RBMS3: variants seen among roughly 807,000 people sequenced by gnomAD.
The protein encoded by RBMS3 is RNA binding motif single stranded interacting protein 3.
A neutral mutation model predicts 66.8 loss-of-function variants in RBMS3; 27 were observed. The ratio of observed to expected loss-of-function variants is 0.40; its 90% CI spans 0.30 to 0.56. The LOEUF is 0.56. RBMS3 is among the 20% of genes least tolerant of loss of function. RBMS3 has a pLI of 0.40. For synonymous variants in RBMS3, 188 were observed against 183.0 expected (o/e 1.03, Z -0.22); for missense variants, 513 against 549.5 (o/e 0.93, Z 0.66).
chr3:29,567,381 G>A (rs1468279826), intron 3 of RBMS3, among the ~76,000 whole-genome samples: 1 of 152,026 alleles, frequency 6.6e-6, no homozygotes, highest in African/African-American at 2.4e-5. Context: ...GGTAGAAAAG[G>A]GTTTTCAACC....
chr3:29,875,587 A>G (rs1392929912), intron 7 of RBMS3, among the ~76,000 whole-genome samples: 2 of 152,106 alleles, frequency 1.3e-5, no homozygotes, highest in South Asian at 4.1e-4. Flanking sequence ...CTTGGAATCT[A>G]TGAAATTCAG....
intron 2 of RBMS3, among the ~76,000 whole-genome samples, chr3:29,478,705 A>AC (rs1359867580): frequency 6.6e-6 from 1 of 152,204 alleles, no homozygotes; most frequent in Non-Finnish European, 1.5e-5. Flanking sequence ...GGATTTTCAG[A>AC]ATCAGATTTG....
chr3:29,704,263 G>A lies in RBMS3; in HGVS notation c.400-35457G>A, dbSNP rs191430240. Among the ~76,000 whole-genome samples the A allele has an allele frequency of 1.7e-3, 255 of 152,228 alleles. 1 individual carries two copies. The highest frequency in any genetic ancestry group is 5.6e-3 in the African/African-American group (232 of 41,526). On this transcript the variant is annotated intron_variant, in intron 4 of 14. Coordinates refer to ENST00000383767, the MANE Select transcript of RBMS3 (RefSeq NM_001003793.3). Reference sequence around the variant, plus strand: ...TTCCACAAAACTGGTCCCTGGTGCCGTAAAGGTTGGGGACCCCTGATTTAA... The same window carrying A: ...TTCCACAAAACTGGTCCCTGGTGCCATAAAGGTTGGGGACCCCTGATTTAA...
At chr3:29,780,175 A>G (rs1051294644) in intron 6 of RBMS3, among the ~76,000 whole-genome samples, 4 of 151,984 alleles carry the variant, frequency 2.6e-5, no homozygotes, top group Admixed American at 2.6e-4. Context: ...ATTGATGAGA[A>G]CTAGTTTTTG....
rs541899325 is a variant in RBMS3 at position 29,789,044 on chromosome 3, T to C, written c.637+26055T>C. ...AATACTTCCTGTTCTTGAACTCTCTTGTTCATATTCTTTGCCCATTTTTTC... is the reference window on the plus strand; with the variant it reads ...AATACTTCCTGTTCTTGAACTCTCTCGTTCATATTCTTTGCCCATTTTTTC... On this transcript the variant is annotated intron_variant, in intron 6 of 14. Coordinates refer to ENST00000383767, the MANE Select transcript of RBMS3 (RefSeq NM_001003793.3). Among the ~76,000 whole-genome samples, 6 of 152,330 alleles carry C rather than the reference T, an allele frequency of 3.9e-5. 1 individual carries two copies. Among genetic ancestry groups the C allele is most frequent in the African/African-American group, 1.4e-4 (6 of 41,584 alleles).
intron 10 of RBMS3, among the ~76,000 whole-genome samples, chr3:29,906,656 T>C (rs2060386390): frequency 6.6e-6 from 1 of 152,140 alleles, no homozygotes; most frequent in East Asian, 1.9e-4. Context: ...AAAAATCTAT[T>C]AATTGTTCAA....
chr3:29,629,872 C>G (rs769588011), intron 4 of RBMS3, among the ~76,000 whole-genome samples: 1 of 151,996 alleles, frequency 6.6e-6, no homozygotes, highest in Non-Finnish European at 1.5e-5. Context: ...TAATATCTTC[C>G]AGTACAAATC....
chr3:29,857,148 A>G (rs2059096364), intron 6 of RBMS3, among the ~76,000 whole-genome samples: 1 of 152,204 alleles, frequency 6.6e-6, no homozygotes, highest in Non-Finnish European at 1.5e-5. Flanking sequence ...ATTTATTTCT[A>G]CTAACTGAGT....
Position 29,624,611 on chromosome 3 carries a change from A to G in RBMS3, c.399+37406A>G, listed in dbSNP as rs2149162765. 1.3e-5 allele frequency among the ~76,000 whole-genome samples: 2 copies of G among 152,306 alleles called. 1 individual carries two copies. The highest frequency in any genetic ancestry group is 4.1e-4 in the South Asian group (2 of 4,828). The stretch of plus-strand genomic sequence containing the variant: ...AAGAAGGCAGTAAGAGAAAAGAGCA[A>G]TATAAGAAATTGATAACTCCAAGGG... On this transcript the variant is annotated intron_variant, in intron 4 of 14. Coordinates refer to ENST00000383767, the MANE Select transcript of RBMS3 (RefSeq NM_001003793.3).
At chr3:29,656,495 C>T (rs76509262) in intron 4 of RBMS3, among the ~76,000 whole-genome samples, 5,576 of 152,244 alleles carry the variant, frequency 0.037, 120 homozygotes, top group African/African-American at 0.054. Context: ...TCTGTGATGT[C>T]CACATAAGGA....
At chr3:29,330,739 T>C (rs1575558166) in intron 1 of RBMS3, among the ~76,000 whole-genome samples, 1 of 152,278 alleles carries the variant, frequency 6.6e-6, no homozygotes, top group South Asian at 2.1e-4. Context: ...GAAATGCTTC[T>C]AGAGGGGGAA....
intron 3 of RBMS3, among the ~76,000 whole-genome samples, chr3:29,514,586 GC>G (rs1373813476): frequency 6.7e-6 from 1 of 148,210 alleles, no homozygotes; most frequent in African/African-American, 2.5e-5. Context: ...GAAAAAGGAA[GC>G]GATTTATCCC....
chr3:29,333,984 C>T (rs371662793), intron 1 of RBMS3, among the ~76,000 whole-genome samples: 2 of 152,052 alleles, frequency 1.3e-5, no homozygotes, highest in African/African-American at 2.4e-5. Flanking sequence ...TTGTATCTAG[C>T]GTTATGACCA....
intron 10 of RBMS3, among the ~76,000 whole-genome samples, chr3:29,927,636 C>G (rs1368393995): frequency 1.3e-5 from 2 of 152,114 alleles, no homozygotes; most frequent in Non-Finnish European, 2.9e-5. Context: ...GCTGTAGAAG[C>G]CTAGCGTTGC....
chr3:29,423,325 A>T (rs2040823896), intron 1 of RBMS3, among the ~76,000 whole-genome samples: 1 of 152,216 alleles, frequency 6.6e-6, no homozygotes, highest in Admixed American at 6.5e-5. Context: ...GTTATTGGTT[A>T]AAAAGAGAAA....
At chr3:29,681,324 C>T (rs1286531562) in intron 4 of RBMS3, among the ~76,000 whole-genome samples, 1 of 152,164 alleles carries the variant, frequency 6.6e-6, no homozygotes, top group Non-Finnish European at 1.5e-5. Flanking sequence ...GCTGACTGAT[C>T]TATAACTTTA....
chr3:29,728,723 A>G (rs1322148131), intron 4 of RBMS3, among the ~76,000 whole-genome samples: 1 of 152,200 alleles, frequency 6.6e-6, no homozygotes, highest in East Asian at 1.9e-4. Flanking sequence ...CTTTGGAAAG[A>G]CTAGGATGAA....
At chr3:29,674,874 T>G (rs1044867669) in intron 4 of RBMS3, among the ~76,000 whole-genome samples, 10 of 152,102 alleles carry the variant, frequency 6.6e-5, no homozygotes, top group Admixed American at 3.9e-4. Flanking sequence ...AGCAACCAAT[T>G]ACTTTCTTCA....
intron 14 of RBMS3, among the ~76,000 whole-genome samples, chr3:29,998,880 A>G (rs1263024758): frequency 1.3e-5 from 2 of 152,190 alleles, no homozygotes; most frequent in Non-Finnish European, 2.9e-5. Context: ...CATGTCTAAA[A>G]CACCAAAAGC....
Sources: allele counts gnomAD v4.1 joint callset (sites outside exome capture counted in the v4.1 genomes callset), GRCh38; gene constraint gnomAD v4.1.1; transcripts MANE v1.5; gene names NCBI Gene and HGNC (gene_info 2026-07-23, HGNC 2026-07-21).